CSMD1: variants seen among roughly 807,000 people sequenced by gnomAD.
CSMD1 encodes CUB and sushi domain-containing protein 1.
CSMD1 carries 213 observed loss-of-function variants against 417.5 expected under a neutral mutation model. The observed-to-expected ratio is 0.51, with a 90% CI of 0.46 to 0.57. The LOEUF (loss-of-function observed/expected upper bound fraction) is 0.57, where lower values mean the gene tolerates loss of function less well. Among genes scored for constraint, CSMD1 ranks in the 20% least tolerant of loss-of-function variants. The pLI, the probability that CSMD1 is intolerant of heterozygous loss-of-function variation, is 0.00. For synonymous variants in CSMD1, 2,862 were observed against 1,736.8 expected, an observed-to-expected ratio of 1.65 and a Z score of -16.11; for missense variants, 6,923 against 4,529.7, an observed-to-expected ratio of 1.53 and a Z score of -15.17.
intron 3 of CSMD1, among the ~76,000 whole-genome samples, chr8:4,060,167 A>C (rs986485666): frequency 3.3e-5 from 5 of 152,234 alleles, no homozygotes; most frequent in Non-Finnish European, 1.5e-5. Context: ...GTAATCCAGC[A>C]TATAAACAGA....
intron 3 of CSMD1, among the ~76,000 whole-genome samples, chr8:4,298,718 T>C (rs1315009580): frequency 6.6e-6 from 1 of 152,136 alleles, no homozygotes; most frequent in Non-Finnish European, 1.5e-5. Flanking sequence ...AATCAAGTAT[T>C]TTCTTCCAAC....
At chr8:3,695,679 T>C (rs1187768234) in intron 7 of CSMD1, among the ~76,000 whole-genome samples, 2 of 152,248 alleles carry the variant, frequency 1.3e-5, no homozygotes, top group East Asian at 3.9e-4. Context: ...ATTAGAAAGA[T>C]TCTAGCAAAT....
chr8:3,243,270 G>A (rs1799660760), intron 26 of CSMD1, among the ~76,000 whole-genome samples: 1 of 152,108 alleles, frequency 6.6e-6, no homozygotes, highest in Admixed American at 6.6e-5. Context: ...AGGAGAACAG[G>A]GGATTGATCT....
At chr8:4,582,970 G>A (rs560883885) in intron 2 of CSMD1, among the ~76,000 whole-genome samples, 1 of 152,300 alleles carries the variant, frequency 6.6e-6, no homozygotes, top group South Asian at 2.1e-4. Flanking sequence ...CATAGCACCC[G>A]GGCCAGTGGC....
At chr8:2,983,973 T>C (rs748875091) in intron 54 of CSMD1, among the ~76,000 whole-genome samples, 9 of 152,182 alleles carry the variant, frequency 5.9e-5, no homozygotes, top group Non-Finnish European at 1.3e-4. Flanking sequence ...TAAGCAAAAT[T>C]GGCAGAAATA....
intron 40 of CSMD1, among the ~76,000 whole-genome samples, chr8:3,147,982 C>T (rs994792199): frequency 1.3e-5 from 2 of 152,174 alleles, no homozygotes; most frequent in African/African-American, 4.8e-5. Context: ...CAAGATCACC[C>T]TAACAGCATT....
intron 10 of CSMD1, among the ~76,000 whole-genome samples, chr8:3,554,937 G>A (rs557260371): frequency 2.0e-5 from 3 of 152,034 alleles, no homozygotes; most frequent in Non-Finnish European, 4.4e-5. Context: ...AGGGCAAGTG[G>A]GTCAGGGGTG....
intron 26 of CSMD1, among the ~76,000 whole-genome samples, chr8:3,252,731 A>T (rs1800363833): frequency 2.0e-5 from 3 of 152,148 alleles, no homozygotes; most frequent in Admixed American, 6.5e-5. Flanking sequence ...TTATTGCCTC[A>T]ATTTCAGAGC....
chr8:3,912,853 AG>A (rs375460712), intron 5 of CSMD1, among the ~76,000 whole-genome samples: 2 of 152,146 alleles, frequency 1.3e-5, no homozygotes, highest in African/African-American at 4.8e-5. Context: ...AGAGTTCTGG[AG>A]GGGGCGTAGT....
intron 26 of CSMD1, among the ~76,000 whole-genome samples, chr8:3,277,364 T>C (rs866272401): frequency 7.9e-5 from 12 of 152,098 alleles, no homozygotes; most frequent in African/African-American, 1.7e-4. Context: ...GGCCAGAAAG[T>C]ACGCAGGTGC....
intron 3 of CSMD1, among the ~76,000 whole-genome samples, chr8:4,219,555 T>TA (rs10719470): frequency 4.0e-5 from 6 of 151,782 alleles, no homozygotes; most frequent in African/African-American, 1.5e-4. Context: ...ATGCTTATGT[T>TA]AAAAAAAAAA....
chr8:3,975,601 T>C (rs984525363), intron 5 of CSMD1, among the ~76,000 whole-genome samples: 1 of 152,096 alleles, frequency 6.6e-6, no homozygotes, highest in African/African-American at 2.4e-5. Context: ...TCGTGTGGAT[T>C]AGAAAAAGGG....
At chr8:4,344,383 G>A (rs1269756453) in intron 3 of CSMD1, among the ~76,000 whole-genome samples, 1 of 152,012 alleles carries the variant, frequency 6.6e-6, no homozygotes, top group Non-Finnish European at 1.5e-5. Context: ...ATACGCTCAA[G>A]CTCAGAGAGT....
intron 3 of CSMD1, among the ~76,000 whole-genome samples, chr8:4,324,728 T>C (rs575530893): frequency 6.6e-6 from 1 of 152,302 alleles, no homozygotes; most frequent in Admixed American, 6.5e-5. Context: ...TTGTTATATA[T>C]GGATGAAGGG....
At chr8:4,398,912 A>G (rs1045263342) in intron 3 of CSMD1, among the ~76,000 whole-genome samples, 1 of 152,184 alleles carries the variant, frequency 6.6e-6, no homozygotes, top group Non-Finnish European at 1.5e-5. Flanking sequence ...TCTAATTCAC[A>G]AATCCATTTA....
intron 2 of CSMD1, among the ~76,000 whole-genome samples, chr8:4,493,308 G>C (rs1287676635): frequency 6.6e-6 from 1 of 152,070 alleles, no homozygotes; most frequent in Non-Finnish European, 1.5e-5. Flanking sequence ...GAGAGAGAGA[G>C]TTTGTGCGTG....
At chr8:4,162,744 T>G (rs1371695273) in intron 3 of CSMD1, among the ~76,000 whole-genome samples, 1 of 152,124 alleles carries the variant, frequency 6.6e-6, no homozygotes, top group Non-Finnish European at 1.5e-5. Context: ...CTTACATTGG[T>G]AAGTCATTAT....
chr8:4,018,933 A>T (rs920925608), intron 4 of CSMD1, among the ~76,000 whole-genome samples: 2 of 152,170 alleles, frequency 1.3e-5, no homozygotes, highest in South Asian at 2.1e-4. Flanking sequence ...ACAAGAACAT[A>T]CGTAAGGCAT....
chr8:4,180,369 T>A (rs1393924407), intron 3 of CSMD1, among the ~76,000 whole-genome samples: 1 of 140,836 alleles, frequency 7.1e-6, no homozygotes, highest in Non-Finnish European at 1.5e-5. Context: ...TACATGGGAA[T>A]TGAAAAATGA....
Sources: allele counts gnomAD v4.1 joint callset (sites outside exome capture counted in the v4.1 genomes callset), GRCh38; gene constraint gnomAD v4.1.1; transcripts MANE v1.5; gene names NCBI Gene and HGNC (gene_info 2026-07-23, HGNC 2026-07-21).